The following GRIN2B variants were observed in gnomAD, a reference collection of about 807,000 sequenced individuals.
GRIN2B encodes the protein glutamate ionotropic receptor NMDA type subunit 2B, also known as glutamate receptor ionotropic, NMDA 2B.
In GRIN2B, 5 loss-of-function variants were observed where a neutral mutation model predicts 114.5. That is an observed-to-expected ratio of 0.04 (90% CI 0.02 to 0.09). The LOEUF is 0.09. Among genes scored for constraint, GRIN2B ranks in the 10% least tolerant of loss-of-function variants. The pLI is 1.00. For missense variants in GRIN2B, 1,108 were observed against 1,943.5 expected (o/e 0.57, Z 8.08); for synonymous variants, 787 against 745.1 (o/e 1.06, Z -0.92).
chr12:13,682,686 A>C (rs965383351), intron 4 of GRIN2B, among the ~76,000 whole-genome samples: 2 of 152,204 alleles, frequency 1.3e-5, no homozygotes, highest in African/African-American at 4.8e-5. Flanking sequence ...ACAGTGATTG[A>C]TACAAATTTA....
chr12:13,729,790 G>T (rs1274543281), intron 4 of GRIN2B, among the ~76,000 whole-genome samples: 1 of 135,854 alleles, frequency 7.4e-6, no homozygotes, highest in African/African-American at 2.7e-5. Context: ...ACCAGGAGTA[G>T]GGTGGGCGAG....
intron 10 of GRIN2B, among the ~76,000 whole-genome samples, chr12:13,576,408 AACAGTGAGGACC>A (rs1185636459): frequency 1.3e-5 from 2 of 152,214 alleles, no homozygotes; most frequent in African/African-American, 4.8e-5. Flanking sequence ...ACATTAATAG[AACAGTGAGGACC>A]CTGAAAAAAT....
At chr12:13,642,378 T>C (rs1949727275) in intron 5 of GRIN2B, among the ~76,000 whole-genome samples, 1 of 152,184 alleles carries the variant, frequency 6.6e-6, no homozygotes, top group African/African-American at 2.4e-5. Context: ...GGAGGCAAGG[T>C]GCTGGCTTCT....
chr12:13,711,954 A>G (rs1383926521), intron 4 of GRIN2B, among the ~76,000 whole-genome samples: 6 of 152,138 alleles, frequency 3.9e-5, no homozygotes, highest in Non-Finnish European at 2.9e-5. Flanking sequence ...CACTATTCAC[A>G]ATAGCAAAGA....
chr12:13,617,742 G>T (rs1180285739), intron 5 of GRIN2B, among the ~76,000 whole-genome samples: 5 of 152,210 alleles, frequency 3.3e-5, no homozygotes, highest in Non-Finnish European at 7.3e-5. Context: ...GAGGCACCAG[G>T]AACTACAGCA....
intron 5 of GRIN2B, among the ~76,000 whole-genome samples, chr12:13,653,968 A>G (rs965809732): frequency 2.6e-5 from 4 of 152,188 alleles, no homozygotes; most frequent in Admixed American, 2.6e-4. Flanking sequence ...TAAGTATCTG[A>G]TTTTTGTCAA....
chr12:13,912,272 GAA>G, intron 2 of GRIN2B, among the ~76,000 whole-genome samples: 1 of 152,106 alleles, frequency 6.6e-6, no homozygotes, highest in East Asian at 1.9e-4. Context: ...CACTCACAGA[GAA>G]TCAGCAGAGA....
intron 3 of GRIN2B, among the ~76,000 whole-genome samples, chr12:13,784,388 G>A (rs892571375): frequency 2.0e-5 from 3 of 151,944 alleles, no homozygotes; most frequent in Admixed American, 2.0e-4. Flanking sequence ...TTGTTATGTG[G>A]GCACAATAGC....
At chr12:13,627,537 A>G (rs114642160) in intron 5 of GRIN2B, among the ~76,000 whole-genome samples, 1 of 152,218 alleles carries the variant, frequency 6.6e-6, no homozygotes, top group Non-Finnish European at 1.5e-5. Flanking sequence ...ATTTCTGTCA[A>G]CATCTCAGAA....
intron 3 of GRIN2B, among the ~76,000 whole-genome samples, chr12:13,782,731 G>C (rs1864141583): frequency 6.6e-6 from 1 of 152,148 alleles, no homozygotes. Context: ...ATCAAACTTT[G>C]AGAGGCTCTT....
In GRIN2B at chr12:13,839,018, T is replaced by C. The variant is rs1042130414; in HGVS notation, c.411+26780A>G. On this transcript the variant is annotated intron_variant, in intron 3 of 13. Coordinates refer to ENST00000609686, the MANE Select transcript of GRIN2B (RefSeq NM_000834.5). ...GCCCCCAGTGCCTGAACCACTTTTT[T>C]TGCCAGCATATTCACCCATTCACTC... 1.1e-4 allele frequency among the ~76,000 whole-genome samples: 16 copies of C among 152,206 alleles called. 2 individuals are homozygous for C. The highest frequency in any genetic ancestry group is 1.0e-3 in the Admixed American group (16 of 15,282).
intron 4 of GRIN2B, among the ~76,000 whole-genome samples, chr12:13,711,659 C>A (rs1397464265): frequency 5.3e-5 from 8 of 151,880 alleles, no homozygotes; most frequent in Non-Finnish European, 1.2e-4. Context: ...CAGAGAAATG[C>A]AAATCAAAAC....
chr12:13,855,521 G>A (rs778036429), intron 3 of GRIN2B, among the ~76,000 whole-genome samples: 6 of 152,116 alleles, frequency 3.9e-5, no homozygotes, highest in Non-Finnish European at 5.9e-5. Flanking sequence ...TCAAGGTGTC[G>A]GGAGTCTCAC....
chr12:13,916,720 C>CAT (rs1866731680), intron 2 of GRIN2B, among the ~76,000 whole-genome samples: 1 of 64,326 alleles, frequency 1.6e-5, no homozygotes, highest in African/African-American at 5.1e-5. Context: ...TATACACACA[C>CAT]ACACACACAC....
intron 2 of GRIN2B, among the ~76,000 whole-genome samples, chr12:13,958,301 A>C (rs1867627932): frequency 6.6e-6 from 1 of 152,180 alleles, no homozygotes; most frequent in South Asian, 2.1e-4. Context: ...GGTTCAATGG[A>C]AAGCATGGGA....
chr12:13,769,823 A>C (rs1015903954), intron 3 of GRIN2B, among the ~76,000 whole-genome samples: 2 of 152,334 alleles, frequency 1.3e-5, no homozygotes, highest in African/African-American at 4.8e-5. Context: ...AGATGAGTGA[A>C]GCTGCATGAA....
intron 2 of GRIN2B, among the ~76,000 whole-genome samples, chr12:13,942,125 T>C (rs1867268598): frequency 6.6e-6 from 1 of 152,182 alleles, no homozygotes; most frequent in African/African-American, 2.4e-5. Flanking sequence ...ACTTTTTCCA[T>C]TGGAACCAAG....
chr12:13,564,474 G>C lies in GRIN2B; in HGVS notation c.2764C>G (p.Leu922Val). The C allele has an allele frequency of 1.2e-6, 2 of 1,614,244 alleles. No homozygotes were observed. The highest frequency in any genetic ancestry group is 1.7e-6 in the Non-Finnish European group (2 of 1,180,052). The change falls in exon 14 of 14, where the codon CTG becomes GTG. Residue 922 changes from leucine to valine, a missense_variant. By Grantham distance (32) the Leu-to-Val change is conservative. Around this residue, in one of 19 missense-constraint regions of GRIN2B, gnomAD observed 140 missense variants for 187.5 expected, o/e 0.75. Transcript: ENST00000609686. This position sits in a 1 kb window ranked among gnomAD's most constrained non-coding sequence, Gnocchi z 4.8. ...GATGACTCCCGTCGGATGAAGTCCA[G>C]GGCGCTCTGCGGTGAGCCATTCACA... ...SGVNGSPQSA[L>V]DFIRRESSVY...
chr12:13,817,649 G>A (rs779093606), intron 3 of GRIN2B, among the ~76,000 whole-genome samples: 3 of 152,160 alleles, frequency 2.0e-5, no homozygotes, highest in Non-Finnish European at 2.9e-5. Flanking sequence ...AAAATTTGCT[G>A]ATTGGAGAAT....
Sources: gnomAD v4.1 joint callset for allele counts (sites outside exome capture counted in the v4.1 genomes callset) on GRCh38, gnomAD v4.1.1 for gene constraint, gnomAD v4.1.1 regional missense constraint, Gnocchi (gnomAD v3.1) non-coding constraint, MANE v1.5 for transcripts, NCBI Gene and HGNC (gene_info 2026-07-23, HGNC 2026-07-21) for gene names.